TUBA1A: variants seen among roughly 807,000 people sequenced by gnomAD.
TUBA1A encodes tubulin alpha 1a.
TUBA1A carries 7 observed loss-of-function variants against 34.6 expected under a neutral mutation model. That is an observed-to-expected ratio of 0.20 (90% CI 0.11 to 0.38). The LOEUF (loss-of-function observed/expected upper bound fraction) is 0.38. Among genes scored for constraint, TUBA1A ranks in the 10% least tolerant of loss-of-function variants. TUBA1A has a pLI of 1.00. For missense variants in TUBA1A, 19 were observed against 581.3 expected, an observed-to-expected ratio of 0.03 and a Z score of 9.95; for synonymous variants, 193 against 210.2, an observed-to-expected ratio of 0.92 and a Z score of 0.71.
chr12:49,188,083 C>CACACACAT lies in TUBA1A; in HGVS notation c.3+893_3+894insATGTGTGT. Reference sequence around the variant, plus strand: ...CAGGGCAGGGCGTCCCACAGACACACACACACACACACACACACACACACA... The same window carrying CACACACAT: ...CAGGGCAGGGCGTCCCACAGACACACACACACATACACACACACACACACACACACACA... On this transcript the variant is annotated intron_variant, in intron 1 of 3. Transcript: ENST00000301071. This position sits in a 1 kb window ranked among gnomAD's most constrained non-coding sequence, Gnocchi z 4.9. The CACACACAT allele has an allele frequency of 1.1e-6, 1 of 906,546 alleles. No homozygotes were observed. Among genetic ancestry groups the CACACACAT allele is most frequent in the South Asian group, 5.2e-5 (1 of 19,246 alleles). 56.2% of individuals were successfully genotyped at this position (906,546 alleles called of 1,614,324 possible).
chr12:49,184,906 G>C lies in TUBA1A; in HGVS notation c.*104C>G. 6.4e-7 allele frequency: 1 copy of C among 1,570,448 alleles called. No individual in the cohort carries two copies. The highest frequency in any genetic ancestry group is 8.8e-7 in the Non-Finnish European group (1 of 1,142,232). On this transcript the variant is annotated 3_prime_UTR_variant, in exon 4 of 4. Coordinates refer to ENST00000301071, the MANE Select transcript of TUBA1A (RefSeq NM_006009.4). ...CATAGGTCAGTAATTGTATATGAGA[G>C]CATACACTGCTACATACAAATTAAC...
chr12:49,187,690 C>G, intron 1 of TUBA1A: 1 of 979,680 alleles, frequency 1.0e-6, no homozygotes, highest in Non-Finnish European at 1.2e-6. Flanking sequence ...ACAAAAGTTC[C>G]TAAGTTAGAA....
Position 49,188,126 on chromosome 12 carries a change from G to A in TUBA1A, c.3+851C>T, listed in dbSNP as rs1435989316. 2 of 980,972 alleles carry A rather than the reference G, an allele frequency of 2.0e-6. No individual in the cohort carries two copies. The highest frequency in any genetic ancestry group is 3.7e-5 in the African/African-American group (2 of 54,292). 60.8% of individuals were successfully genotyped at this position (980,972 alleles called of 1,614,324 possible). ...CACACACACACACTTCAGTCGGTCA[G>A]GGCAGGGCGTCCCCAGACCAGACAT... On this transcript the variant is annotated intron_variant, in intron 1 of 3. Transcript: ENST00000301071. The surrounding 1 kb of genome is among the most constrained non-coding windows in gnomAD (Gnocchi z 4.9).
At position 49,185,350 on chromosome 12, in the gene TUBA1A, C is replaced by T. The variant is rs1258159775; in HGVS notation, c.1016G>A (p.Arg339His). The change falls in exon 4 of 4, where the codon CGT (arginine) becomes CAT (histidine). Residue 339 changes from arginine to histidine, a missense_variant. Around this residue, in one of 2 missense-constraint regions of TUBA1A, gnomAD observed 14 missense variants for 565.0 expected, o/e 0.02. Transcript: ENST00000301071. ...NAAIATIKTKRTIQFVDWCPT... is the reference protein window; with the variant it reads ...NAAIATIKTKHTIQFVDWCPT... ...GCACCAATCCACAAACTGGATGGTA[C>T]GCTTGGTCTTGATGGTGGCAATGGC... is the stretch of plus-strand genomic sequence containing the variant. 1 of 1,614,214 alleles carries T rather than the reference C, an allele frequency of 6.2e-7. No individual in the cohort carries two copies.
In TUBA1A at chr12:49,188,959, GC is replaced by G. The variant is rs1565628599; in HGVS notation, c.3+17del. ...TGACTCCACCCAACGGCCACAAAGA[GC>G]CGAAGCCGATTCTCACCATGGTTGC... On this transcript the variant is annotated intron_variant, in intron 1 of 3. Coordinates refer to ENST00000301071, the MANE Select transcript of TUBA1A (RefSeq NM_006009.4). This position sits in a 1 kb window ranked among gnomAD's most constrained non-coding sequence, Gnocchi z 4.9. 1.2e-6 allele frequency: 2 copies of G among 1,614,254 alleles called. No individual in the cohort carries two copies.
chr12:49,188,622 G>C lies in TUBA1A; in HGVS notation c.3+355C>G. 1 of 1,440,914 alleles carries C rather than the reference G, an allele frequency of 6.9e-7. No homozygotes were observed. Among genetic ancestry groups the C allele is most frequent in the South Asian group, 1.5e-5 (1 of 68,334 alleles). 89.3% of individuals were successfully genotyped at this position (1,440,914 alleles called of 1,614,324 possible). A position where few individuals can be genotyped will look rare whatever the true frequency, so the allele number is the denominator to read the frequency against. On this transcript the variant is annotated intron_variant, in intron 1 of 3. Transcript: ENST00000301071. The surrounding 1 kb of genome is among the most constrained non-coding windows in gnomAD (Gnocchi z 4.9). ...GACAGAAAGTGGCCCCTCAGCATCAGCGAAACCGTGCGCACAGACACGGGG... is the reference window on the plus strand; with the variant it reads ...GACAGAAAGTGGCCCCTCAGCATCACCGAAACCGTGCGCACAGACACGGGG...
intron 1 of TUBA1A, chr12:49,187,666 TA>T: frequency 1.0e-6 from 1 of 984,930 alleles, no homozygotes; most frequent in Non-Finnish European, 1.2e-6. Context: ...ATCCGTATCT[TA>T]ACACACACAC....
Position 49,189,078 on chromosome 12 carries a change from T to G in TUBA1A, c.-99A>C. 2 of 1,513,278 alleles carry G rather than the reference T, an allele frequency of 1.3e-6. No individual in the cohort carries two copies. The highest frequency in any genetic ancestry group is 1.1e-5 in the South Asian group (1 of 89,052). 93.7% of individuals were successfully genotyped at this position (1,513,278 alleles called of 1,614,324 possible). ...CTTAGGCGGTCGATGTAAGAGAACCTGCGGCACATAGGCGGATGCGGCTCC... is the reference window on the plus strand; with the variant it reads ...CTTAGGCGGTCGATGTAAGAGAACCGGCGGCACATAGGCGGATGCGGCTCC... On this transcript the variant is annotated 5_prime_UTR_variant, in exon 1 of 4. Transcript: ENST00000301071.
At chr12:49,187,535 C>G (rs574682369) in intron 1 of TUBA1A, 80 of 985,436 alleles carry the variant, frequency 8.1e-5, no homozygotes, top group Non-Finnish European at 9.5e-5. Context: ...TTAAGATGCA[C>G]TGGAACAAAA....
chr12:49,187,349 G>A, intron 1 of TUBA1A: 1 of 1,031,950 alleles, frequency 9.7e-7, no homozygotes, highest in Non-Finnish European at 1.2e-6. Flanking sequence ...TCTGCCTTCT[G>A]CATTGCTGCA....
At position 49,188,023 on chromosome 12, in the gene TUBA1A, G is replaced by GACACAT; in HGVS notation, c.3+953_3+954insATGTGT. ...AACGTGCAGTCCAGACAGACAGACA[G>GACACAT]ACACACACACACACACACACACACT... On this transcript the variant is annotated intron_variant, in intron 1 of 3. Transcript: ENST00000301071. The surrounding 1 kb of genome is among the most constrained non-coding windows in gnomAD (Gnocchi z 4.9). The GACACAT allele has an allele frequency of 1.1e-6, 1 of 896,372 alleles. No homozygotes were observed. The highest frequency in any genetic ancestry group is 1.3e-6 in the Non-Finnish European group (1 of 765,506). 55.5% of individuals were successfully genotyped at this position (896,372 alleles called of 1,614,324 possible). A position where few individuals can be genotyped will look rare whatever the true frequency, so the allele number is the denominator to read the frequency against.
Position 49,189,064 on chromosome 12 carries a change from G to C in TUBA1A, c.-85C>G. 6.4e-7 allele frequency: 1 copy of C among 1,572,798 alleles called. No individual in the cohort carries two copies. The highest frequency in any genetic ancestry group is 1.1e-5 in the South Asian group (1 of 90,186). On this transcript the variant is annotated 5_prime_UTR_variant, in exon 1 of 4. In the 5' UTR this introduces an upstream ATG that the reference lacks. Transcript: ENST00000301071. ...CTTACAGCGCGACTCTTAGGCGGTC[G>C]ATGTAAGAGAACCTGCGGCACATAG...
rs1942203717 is a variant in TUBA1A at position 49,188,046 on chromosome 12, A to T, written c.3+931T>A. On this transcript the variant is annotated intron_variant, in intron 1 of 3. Coordinates refer to ENST00000301071, the MANE Select transcript of TUBA1A (RefSeq NM_006009.4). This position sits in a 1 kb window ranked among gnomAD's most constrained non-coding sequence, Gnocchi z 4.9. ...CAGACACACACACACACACACACAC[A>T]CTTCAGTCGGTCAGGGCAGGGCGTC... The T allele has an allele frequency of 1.7e-5, 16 of 953,774 alleles. No homozygotes were observed. Among genetic ancestry groups the T allele is most frequent in the South Asian group, 9.7e-5 (2 of 20,670 alleles). 59.1% of individuals were successfully genotyped at this position (953,774 alleles called of 1,614,324 possible).
rs1942220999 is a variant in TUBA1A at position 49,189,044 on chromosome 12, A to T, written c.-65T>A. The T allele has an allele frequency of 5.0e-6, 8 of 1,608,798 alleles. No homozygotes were observed. In the African/African-American group the frequency reaches 6.7e-5, roughly 13 times the overall value. ...AAGAGGAGAGGTTGTTGCTTCTTACAGCGCGACTCTTAGGCGGTCGATGTA... is the reference window on the plus strand; with the variant it reads ...AAGAGGAGAGGTTGTTGCTTCTTACTGCGCGACTCTTAGGCGGTCGATGTA... On this transcript the variant is annotated 5_prime_UTR_variant, in exon 1 of 4. Coordinates refer to ENST00000301071, the MANE Select transcript of TUBA1A (RefSeq NM_006009.4).
chr12:49,186,208 T>A lies in TUBA1A; in HGVS notation c.375+102A>T. On this transcript the variant is annotated intron_variant, in intron 3 of 3. Coordinates refer to ENST00000301071, the MANE Select transcript of TUBA1A (RefSeq NM_006009.4). This position sits in a 1 kb window ranked among gnomAD's most constrained non-coding sequence, Gnocchi z 6.6. The stretch of plus-strand genomic sequence containing the variant: ...CCAAAAGAATGACTCATTCCACTCT[T>A]TATTAAAATAACAGTTCAATTCTGT... The A allele has an allele frequency of 6.2e-7, 1 of 1,608,810 alleles. No individual in the cohort carries two copies. Among genetic ancestry groups the A allele is most frequent in the Non-Finnish European group, 8.5e-7 (1 of 1,177,574 alleles).
chr12:49,187,211 A>G lies in TUBA1A; in HGVS notation c.4-378T>C, dbSNP rs1942192099. 20 of 1,138,760 alleles carry G rather than the reference A, an allele frequency of 1.8e-5. No homozygotes were observed. The South Asian group carries it at 4.1e-4, about 23-fold the overall frequency. The allele number at this position is 1,138,760 out of a possible 1,614,324, so 70.5% of individuals were successfully genotyped here. On this transcript the variant is annotated intron_variant, in intron 1 of 3. Coordinates refer to ENST00000301071, the MANE Select transcript of TUBA1A (RefSeq NM_006009.4). ...TACTGCTTTCTTCCCTTTTAAATAA[A>G]GATGAAAGTTTCCTCTGAATAGGAC...
Position 49,186,075 on chromosome 12 carries a change from A to G in TUBA1A, c.376-85T>C. On this transcript the variant is annotated intron_variant, in intron 3 of 3. Transcript: ENST00000301071. The surrounding 1 kb of genome is among the most constrained non-coding windows in gnomAD (Gnocchi z 6.6). ...TAGTAAATATATTTTCACTTTTCAT[A>G]CATCTTCCAGGACTTAGATCTTATT... 5.7e-6 allele frequency: 9 copies of G among 1,572,624 alleles called. No individual in the cohort carries two copies. The highest frequency in any genetic ancestry group is 1.9e-5 in the Admixed American group (1 of 51,882).
In TUBA1A at chr12:49,186,895, G is replaced by A. The variant is rs1942188672; in HGVS notation, c.4-62C>T. The A allele has an allele frequency of 6.2e-7, 1 of 1,602,396 alleles. No homozygotes were observed. The highest frequency in any genetic ancestry group is 1.3e-5 in the African/African-American group (1 of 74,454). Reference sequence around the variant, plus strand: ...GGTGTATTAGCATTTCAAACTTATAGGAAATTTCAAAAATATTTCTAATAA... The same window carrying A: ...GGTGTATTAGCATTTCAAACTTATAAGAAATTTCAAAAATATTTCTAATAA... On this transcript the variant is annotated intron_variant, in intron 1 of 3. Coordinates refer to ENST00000301071, the MANE Select transcript of TUBA1A (RefSeq NM_006009.4). The surrounding 1 kb of genome is among the most constrained non-coding windows in gnomAD (Gnocchi z 6.6).
At position 49,188,439 on chromosome 12, in the gene TUBA1A, G is replaced by C; in HGVS notation, c.3+538C>G. On this transcript the variant is annotated intron_variant, in intron 1 of 3. Coordinates refer to ENST00000301071, the MANE Select transcript of TUBA1A (RefSeq NM_006009.4). This position sits in a 1 kb window ranked among gnomAD's most constrained non-coding sequence, Gnocchi z 4.9. ...CACCATGTTTTCCCGGGAATGTGTG[G>C]GTATCTTTCCAAAACGCCAAAGACC... 2 of 1,535,712 alleles carry C rather than the reference G, an allele frequency of 1.3e-6. No individual in the cohort carries two copies. Among genetic ancestry groups the C allele is most frequent in the Non-Finnish European group, 1.7e-6 (2 of 1,146,688 alleles).
Sources: gnomAD v4.1 joint callset for allele counts on GRCh38, gnomAD v4.1.1 for gene constraint, gnomAD v4.1.1 regional missense constraint, Gnocchi (gnomAD v3.1) non-coding constraint, MANE v1.5 for transcripts, NCBI Gene and HGNC (gene_info 2026-07-23, HGNC 2026-07-21) for gene names.